Variants in IFT74 observed in about 807,000 individuals in gnomAD.
IFT74 encodes the protein intraflagellar transport 74, also known as intraflagellar transport protein 74 homolog.
A neutral mutation model predicts 96.7 loss-of-function variants in IFT74; 92 were observed. The observed-to-expected ratio is 0.95, with a 90% CI of 0.80 to 1.13. The LOEUF (loss-of-function observed/expected upper bound fraction) is 1.13, where lower values mean the gene tolerates loss of function less well. IFT74 is among the 50% of genes most tolerant of loss of function. The pLI is 0.00. For missense variants in IFT74, 811 were observed against 698.2 expected (o/e 1.16, Z -1.82); for synonymous variants, 223 against 213.2 (o/e 1.05, Z -0.40).
chr9:27,048,487 G>A (rs1819791951), intron 16 of IFT74, among the ~76,000 whole-genome samples: 1 of 152,098 alleles, frequency 6.6e-6, no homozygotes, highest in Non-Finnish European at 1.5e-5. Flanking sequence ...TCAAGCCTGT[G>A]CTATATAATT....
chr9:26,982,874 GAGCTGCCGCACT>G (rs1471315123), intron 4 of IFT74, among the ~76,000 whole-genome samples: 1 of 152,170 alleles, frequency 6.6e-6, no homozygotes, highest in East Asian at 1.9e-4. Context: ...TTACAGGCGT[GAGCTGCCGCACT>G]CGGCCTCATA....
chr9:27,044,888 T>G, intron 14 of IFT74, 93 bp downstream of exon 14: 1 of 663,158 alleles, frequency 1.5e-6, no homozygotes, highest in Non-Finnish European at 2.5e-6. Flanking sequence ...GCAGATATAA[T>G]GGCTAATAAA....
Position 27,009,070 on chromosome 9 carries a change from A to G in IFT74, c.638A>G (p.Gln213Arg). ...GAAGAAGAAATTGAACAGGAAAAAC[A>G]AGCAACAGATGACATTATCAAAAAT... is the stretch of plus-strand genomic sequence containing the variant. ...SVEEEIEQEK[Q>R]ATDDIIKNMS... The change falls in exon 9 of 20, where the codon CAA becomes CGA. Residue 213 changes from glutamine (Q) to arginine (R), a missense_variant. Transcript: ENST00000380062. 6.2e-7 allele frequency: 1 copy of G among 1,613,208 alleles called. No homozygotes were observed. The highest frequency in any genetic ancestry group is 8.5e-7 in the Non-Finnish European group (1 of 1,179,342).
At chr9:26,992,635 G>T (rs557717977) in intron 8 of IFT74, among the ~76,000 whole-genome samples, 7 of 152,070 alleles carry the variant, frequency 4.6e-5, no homozygotes, top group African/African-American at 1.4e-4. Flanking sequence ...GGAGGGTTCA[G>T]TAAGCCGAGA....
At chr9:26,974,655 G>A (rs1827022625) in intron 2 of IFT74, among the ~76,000 whole-genome samples, 1 of 152,122 alleles carries the variant, frequency 6.6e-6, no homozygotes, top group Non-Finnish European at 1.5e-5. Context: ...TTCTGACCAG[G>A]AGAGTATTCA....
intron 11 of IFT74, 55 bp from the exon 12 acceptor site, chr9:27,018,592 T>A: frequency 1.1e-6 from 1 of 900,180 alleles, no homozygotes; most frequent in South Asian, 1.8e-5. Context: ...ATCTTTAAGA[T>A]AGCCTTACAA....
At chr9:27,037,239 A>T (rs1252024303) in intron 13 of IFT74, among the ~76,000 whole-genome samples, 1 of 144,924 alleles carries the variant, frequency 6.9e-6, no homozygotes, top group Non-Finnish European at 1.5e-5. Context: ...AAAAAAAAAA[A>T]GCTTGCAGAG....
At chr9:27,061,932 T>G (rs2131718171) in intron 19 of IFT74, among the ~76,000 whole-genome samples, 1 of 152,242 alleles carries the variant, frequency 6.6e-6, no homozygotes, top group African/African-American at 2.4e-5. Context: ...GAACATGTGT[T>G]GTGAAGTTGT....
chr9:26,984,108 A>G (rs1373251404), intron 4 of IFT74, 149 bp from the exon 5 acceptor site: 1 of 605,744 alleles, frequency 1.7e-6, no homozygotes, highest in East Asian at 3.8e-5. Flanking sequence ...TCTTAATGAA[A>G]TAAGCCACCT....
upstream of IFT74, among the ~76,000 whole-genome samples, chr9:26,953,476 A>T (rs1825994526): frequency 6.6e-6 from 1 of 152,138 alleles, no homozygotes; most frequent in Admixed American, 6.5e-5. Flanking sequence ...CTAGAAGTGG[A>T]GTTACTGGGT....
intron 2 of IFT74, among the ~76,000 whole-genome samples, chr9:26,969,022 A>T (rs1213280613): frequency 1.3e-5 from 2 of 151,516 alleles, no homozygotes; most frequent in African/African-American, 4.8e-5. Flanking sequence ...TTGTTTTTCT[A>T]CTTTTTTAAT....
intron 9 of IFT74, among the ~76,000 whole-genome samples, chr9:27,010,376 A>G (rs1416269367): frequency 6.6e-6 from 1 of 152,002 alleles, no homozygotes; most frequent in Non-Finnish European, 1.5e-5. Flanking sequence ...CTAGTGTTCT[A>G]TCAAACATGA....
At chr9:27,037,838 G>C (rs553311839) in intron 13 of IFT74, among the ~76,000 whole-genome samples, 2 of 152,318 alleles carry the variant, frequency 1.3e-5, no homozygotes, top group South Asian at 4.1e-4. Flanking sequence ...TTCCTAAAAT[G>C]AAGAAATACC....
intron 14 of IFT74, among the ~76,000 whole-genome samples, chr9:27,045,923 G>A (rs1205011035): frequency 6.6e-6 from 1 of 152,106 alleles, no homozygotes; most frequent in East Asian, 1.9e-4. Context: ...TGACACCACA[G>A]TATTGGAAAT....
intron 8 of IFT74, chr9:26,998,191 A>G (rs114207672): frequency 1.0e-5 from 16 of 1,548,554 alleles, no homozygotes; most frequent in Middle Eastern, 1.7e-4. Context: ...CTTTCTTGAT[A>G]TCTGCTGGAA....
chr9:26,962,466 G>A (rs982900090), intron 2 of IFT74, among the ~76,000 whole-genome samples: 1 of 152,008 alleles, frequency 6.6e-6, no homozygotes, highest in Admixed American at 6.5e-5. Context: ...AGTGTATTGG[G>A]GCCAGAATAA....
intron 2 of IFT74, among the ~76,000 whole-genome samples, chr9:26,964,986 AT>A (rs1826544790): frequency 6.6e-6 from 1 of 152,174 alleles, no homozygotes; most frequent in Non-Finnish European, 1.5e-5. Context: ...TGTAAAGATA[AT>A]TATTACATTT....
At chr9:26,969,099 A>T (rs193000211) in intron 2 of IFT74, among the ~76,000 whole-genome samples, 25 of 152,130 alleles carry the variant, frequency 1.6e-4, no homozygotes, top group African/African-American at 6.0e-4. Context: ...GGTTTTGGAT[A>T]TGTTGTGTTT....
At chr9:27,032,055 A>G (rs1375273403) in intron 13 of IFT74, among the ~76,000 whole-genome samples, 1 of 152,176 alleles carries the variant, frequency 6.6e-6, no homozygotes, top group Non-Finnish European at 1.5e-5. Context: ...AATAAATTCT[A>G]TAAAGAACAG....
Sources: gnomAD v4.1 joint callset for allele counts (sites outside exome capture counted in the v4.1 genomes callset) on GRCh38, gnomAD v4.1.1 for gene constraint, MANE v1.5 for transcripts, NCBI Gene and HGNC (gene_info 2026-07-23, HGNC 2026-07-21) for gene names.